The following SYT1 variants were observed in gnomAD, a reference collection of about 807,000 sequenced individuals.
SYT1 encodes the protein synaptotagmin-1.
A neutral mutation model predicts 44.8 loss-of-function variants in SYT1; 8 were observed. The ratio of observed to expected loss-of-function variants is 0.18; its 90% CI spans 0.10 to 0.32. SYT1 has a LOEUF of 0.32. Among genes scored for constraint, SYT1 ranks in the 10% least tolerant of loss-of-function variants. The pLI is 1.00. For missense variants in SYT1, 286 were observed against 509.3 expected, an observed-to-expected ratio of 0.56 and a Z score of 4.22; for synonymous variants, 154 against 188.8, an observed-to-expected ratio of 0.82 and a Z score of 1.51.
At chr12:79,286,119 G>T (rs1053147226) in intron 5 of SYT1, 148 bp downstream of exon 5, 17 of 894,268 alleles carry the variant, frequency 1.9e-5, no homozygotes, top group Non-Finnish European at 2.8e-5. Context: ...CATTGTTCAA[G>T]ATCCCAAAGC....
chr12:79,101,576 C>T (rs141503602), intron 3 of SYT1, among the ~76,000 whole-genome samples: 1 of 152,246 alleles, frequency 6.6e-6, no homozygotes, highest in African/African-American at 2.4e-5. Flanking sequence ...TGGCAAAGAA[C>T]TGTCCACTTA....
intron 3 of SYT1, among the ~76,000 whole-genome samples, chr12:79,198,214 T>C (rs1873576308): frequency 1.3e-5 from 2 of 152,188 alleles, no homozygotes; most frequent in African/African-American, 4.8e-5. Flanking sequence ...TTTCGTGTTC[T>C]AATTAATTTT....
chr12:79,093,719 C>A (rs889925104), intron 3 of SYT1, among the ~76,000 whole-genome samples: 5 of 151,448 alleles, frequency 3.3e-5, no homozygotes, highest in Non-Finnish European at 5.9e-5. Context: ...TTTTCTTCAA[C>A]AACAAAAAAT....
intron 8 of SYT1, among the ~76,000 whole-genome samples, chr12:79,325,703 G>A (rs1041955491): frequency 6.6e-6 from 1 of 152,156 alleles, no homozygotes; most frequent in African/African-American, 2.4e-5. Flanking sequence ...GGTTTTTGTA[G>A]TCAGACCTGG....
At chr12:79,062,077 T>C (rs1875430334) in intron 3 of SYT1, among the ~76,000 whole-genome samples, 1 of 152,142 alleles carries the variant, frequency 6.6e-6, no homozygotes, top group African/African-American at 2.4e-5. Context: ...GACTTTGCAT[T>C]TTGATCAGAG....
chr12:79,339,200 G>A (rs1388615707), intron 8 of SYT1, among the ~76,000 whole-genome samples: 6 of 152,078 alleles, frequency 3.9e-5, no homozygotes, highest in African/African-American at 1.4e-4. Flanking sequence ...GGGATGGCTG[G>A]GTCAAATGGT....
chr12:78,908,310 T>C (rs536386313), intron 1 of SYT1, among the ~76,000 whole-genome samples: 1 of 152,092 alleles, frequency 6.6e-6, no homozygotes, highest in South Asian at 2.1e-4. Flanking sequence ...AGGGTCTTTC[T>C]TAATCCATTA....
intron 8 of SYT1, among the ~76,000 whole-genome samples, chr12:79,350,675 C>A (rs556095451): frequency 6.6e-5 from 10 of 152,242 alleles, no homozygotes; most frequent in African/African-American, 2.4e-4. Flanking sequence ...TTGGATCAAA[C>A]CACCAGGTAG....
chr12:79,159,388 TCCC>T (rs946539871), intron 3 of SYT1, among the ~76,000 whole-genome samples: 5 of 152,052 alleles, frequency 3.3e-5, no homozygotes, highest in Non-Finnish European at 7.4e-5. Context: ...GGTTGAGTAG[TCCC>T]CCCTTATCTG....
In SYT1 at chr12:78,914,694, G is replaced by A. The variant is rs191014932; in HGVS notation, c.-217+49585G>A. ...ATTTATGGTTCCTATACCTTTTGATGTTTGCCTAAAGATATATTCAGCTTA... is the reference window on the plus strand; with the variant it reads ...ATTTATGGTTCCTATACCTTTTGATATTTGCCTAAAGATATATTCAGCTTA... On this transcript the variant is annotated intron_variant, in intron 1 of 10. Coordinates refer to ENST00000261205, the MANE Select transcript of SYT1 (RefSeq NM_005639.3). 5.7e-4 allele frequency among the ~76,000 whole-genome samples: 86 copies of A among 151,908 alleles called. No individual in the cohort carries two copies. The Middle Eastern group carries it at 0.014, about 24-fold the overall frequency.
chr12:79,076,964 C>A (rs1055298883), intron 3 of SYT1, among the ~76,000 whole-genome samples: 2 of 152,148 alleles, frequency 1.3e-5, no homozygotes. Context: ...TACCCCTAAC[C>A]CCAACTCTTC....
chr12:78,991,747 G>C (rs755162576), intron 2 of SYT1, among the ~76,000 whole-genome samples: 1 of 152,070 alleles, frequency 6.6e-6, no homozygotes, highest in African/African-American at 2.4e-5. Flanking sequence ...AGGCTAACAA[G>C]TTCTTCTAAT....
chr12:78,867,259 A>G (rs1186932915), intron 1 of SYT1, among the ~76,000 whole-genome samples: 1 of 152,084 alleles, frequency 6.6e-6, no homozygotes, highest in Non-Finnish European at 1.5e-5. Flanking sequence ...TTGTTTTCTC[A>G]TTTCTCCACT....
intron 3 of SYT1, among the ~76,000 whole-genome samples, chr12:79,150,148 A>C (rs1050790173): frequency 6.6e-6 from 1 of 152,144 alleles, no homozygotes; most frequent in Admixed American, 6.6e-5. Flanking sequence ...CTAGTGTTTC[A>C]TGGTGAGAGC....
chr12:79,004,688 AT>A (rs1870962922), intron 2 of SYT1, among the ~76,000 whole-genome samples: 1 of 151,928 alleles, frequency 6.6e-6, no homozygotes, highest in Non-Finnish European at 1.5e-5. Flanking sequence ...CTAGACCAAT[AT>A]TTTGTATCTA....
At chr12:78,943,278 A>G (rs1400657297) in intron 1 of SYT1, among the ~76,000 whole-genome samples, 3 of 152,106 alleles carry the variant, frequency 2.0e-5, no homozygotes, top group Non-Finnish European at 4.4e-5. Context: ...AAAGAATTTA[A>G]TAGGTTCATG....
At chr12:79,063,676 A>G (rs114296038) in intron 3 of SYT1, among the ~76,000 whole-genome samples, 4,377 of 152,236 alleles carry the variant, frequency 0.029, 193 homozygotes, top group African/African-American at 0.098. Flanking sequence ...AATGGCATCA[A>G]ATTCTCTGAA....
chr12:78,975,756 C>G (rs902800435), intron 1 of SYT1, among the ~76,000 whole-genome samples: 1 of 152,136 alleles, frequency 6.6e-6, no homozygotes, highest in Non-Finnish European at 1.5e-5. Context: ...CATGTAGAAT[C>G]TGATTCTGGT....
chr12:79,253,937 G>A (rs1371224621), intron 4 of SYT1, among the ~76,000 whole-genome samples: 1 of 152,168 alleles, frequency 6.6e-6, no homozygotes, highest in East Asian at 1.9e-4. Context: ...GCTGAGAGAG[G>A]TAAGGGAGCT....
Sources: allele counts gnomAD v4.1 joint callset (sites outside exome capture counted in the v4.1 genomes callset), GRCh38; gene constraint gnomAD v4.1.1; transcripts MANE v1.5; gene names NCBI Gene and HGNC (gene_info 2026-07-23, HGNC 2026-07-21).